IQSEC3: variants seen among roughly 807,000 people sequenced by gnomAD.
The protein encoded by IQSEC3 is IQ motif and Sec7 domain ArfGEF 3, also known as IQ motif and SEC7 domain-containing protein 3.
IQSEC3 carries 50 observed loss-of-function variants against 105.4 expected under a neutral mutation model. That is an observed-to-expected ratio of 0.47 (90% CI 0.38 to 0.60). IQSEC3 has a LOEUF of 0.60. Among genes scored for constraint, IQSEC3 ranks in the 20% least tolerant of loss-of-function variants. The probability of loss-of-function intolerance (pLI) is 0.00; values close to 1 mark genes in which losing one functional copy is unlikely to be tolerated. For missense variants in IQSEC3, 1,415 were observed against 1,630.0 expected (o/e 0.87, Z 2.27); for synonymous variants, 708 against 746.0 (o/e 0.95, Z 0.83).
rs758492192 is a variant in IQSEC3, at chr12:174,672, C to T, written c.3188C>T (p.Pro1063Leu). The T allele has an allele frequency of 3.2e-5, 51 of 1,590,004 alleles. No individual in the cohort carries two copies. The East Asian group carries it at 8.1e-4, about 25-fold the overall frequency. ...GGGGCCGAGAGGGGAGCGCCGGTGC[C>T]GCCGCCAGACCTGCAGCCTAGCCCC... ...GLGAERGAPV[P>L]PPDLQPSPPR... is the part of the protein sequence containing the mutation. Residue 1063 changes from proline (P) to leucine (L), a missense_variant, in exon 14 of 14, where the codon CCG becomes CTG. By Grantham distance (98) the Pro-to-Leu change is moderately conservative. Coordinates refer to ENST00000538872, the MANE Select transcript of IQSEC3 (RefSeq NM_001170738.2).
chr12:97,018 C>T (rs1555074872), intron 1 of IQSEC3, among the ~76,000 whole-genome samples: 1 of 152,230 alleles, frequency 6.6e-6, no homozygotes, highest in Non-Finnish European at 1.5e-5. Flanking sequence ...TGAGAAATGG[C>T]ATCTCAGCGT....
intron 5 of IQSEC3, among the ~76,000 whole-genome samples, chr12:145,301 ATC>A (rs1202843879): frequency 2.0e-5 from 3 of 152,140 alleles, no homozygotes; most frequent in African/African-American, 7.2e-5. Flanking sequence ...TAGAGACAGG[ATC>A]TCTCTTTGTC....
intron 7 of IQSEC3, among the ~76,000 whole-genome samples, chr12:159,785 G>T (rs916577566): frequency 6.6e-6 from 1 of 152,202 alleles, no homozygotes; most frequent in African/African-American, 2.4e-5. Flanking sequence ...GTCATGGGAA[G>T]TTTTCTTAAA....
At chr12:163,669 G>T (rs1555097239) in intron 9 of IQSEC3, 50 bp downstream of exon 9, 2 of 1,043,432 alleles carry the variant, frequency 1.9e-6, no homozygotes, top group Non-Finnish European at 3.0e-6. Context: ...TGCCTCTGCC[G>T]CCCTGGTCAG....
chr12:100,202 G>C, intron 2 of IQSEC3, among the ~76,000 whole-genome samples: 1 of 152,060 alleles, frequency 6.6e-6, no homozygotes, highest in East Asian at 1.9e-4. Flanking sequence ...TCATCCCGTC[G>C]AGTCTCTGAG....
At position 139,102 on chromosome 12, in the gene IQSEC3, C is replaced by T. The variant is rs781971250; in HGVS notation, c.1739C>T (p.Thr580Met). 11 of 1,501,638 alleles carry T rather than the reference C, an allele frequency of 7.3e-6. No individual in the cohort carries two copies. The highest frequency in any genetic ancestry group is 1.4e-5 in the African/African-American group (1 of 71,834). The allele number at this position is 1,501,638 out of a possible 1,614,324, so 93.0% of individuals were successfully genotyped here. A position where few individuals can be genotyped will look rare whatever the true frequency, so the allele number is the denominator to read the frequency against. Residue 580 changes from threonine (T) to methionine (M), a missense_variant, in exon 4 of 14, where the codon ACG (threonine) becomes ATG (methionine). Thr to Met is a moderately conservative substitution (Grantham distance 81, BLOSUM62 -1). This residue lies in a region of IQSEC3 where 720 missense variants were observed against 633.0 expected (regional missense o/e 1.14). Transcript: ENST00000538872. ...KTEEEEEEEE[T>M]AEVGRGAEAE... is the part of the protein sequence containing the mutation. ...GAGGAGGAAGAGGAGGAGGAGGAGA[C>T]GGCGGAGGTGGGGAGAGGGGCCGAG...
chr12:143,045 G>T (rs979240504), intron 5 of IQSEC3, among the ~76,000 whole-genome samples: 1 of 152,212 alleles, frequency 6.6e-6, no homozygotes, highest in Non-Finnish European at 1.5e-5. Flanking sequence ...AACCTGCAAG[G>T]CCCACATTGA....
At chr12:139,576 G>A in intron 4 of IQSEC3, 5 of 437,952 alleles carry the variant, frequency 1.1e-5, no homozygotes, top group African/African-American at 4.0e-5. Flanking sequence ...AAAGATTAAA[G>A]GAAAAAAATA....
intron 5 of IQSEC3, among the ~76,000 whole-genome samples, chr12:149,405 T>C (rs1555091971): frequency 2.0e-5 from 3 of 152,194 alleles, no homozygotes; most frequent in Non-Finnish European, 4.4e-5. Context: ...ATCACAGGTC[T>C]CGGTGTCAGC....
Position 122,019 on chromosome 12 carries a change from G to A in IQSEC3, c.624-3614G>A, listed in dbSNP as rs895194387. 6.6e-5 allele frequency among the ~76,000 whole-genome samples: 10 copies of A among 152,288 alleles called. 1 individual carries two copies. Among genetic ancestry groups the A allele is most frequent in the African/African-American group, 1.7e-4 (7 of 41,574 alleles). ...ACGATGTTATCTTCAACATTGCCAC[G>A]TTGAGAACAGTCCAGGGGTTTTGTG... On this transcript the variant is annotated intron_variant, in intron 2 of 13. Transcript: ENST00000538872.
intron 1 of IQSEC3, among the ~76,000 whole-genome samples, chr12:71,588 GA>G (rs1565373781): frequency 1.3e-5 from 2 of 152,266 alleles, no homozygotes; most frequent in African/African-American, 2.4e-5. Context: ...GCTGGAAAGG[GA>G]ACAGAAAGCA....
chr12:174,285 G>A (rs1939153252), intron 13 of IQSEC3, among the ~76,000 whole-genome samples: 1 of 152,148 alleles, frequency 6.6e-6, no homozygotes, highest in Non-Finnish European at 1.5e-5. Flanking sequence ...AAAAGGAAGT[G>A]AGGACACCCA....
At chr12:103,862 C>CGG (rs545289581) in intron 2 of IQSEC3, among the ~76,000 whole-genome samples, 4,691 of 5,608 alleles carry the variant, frequency 0.84, 1,928 homozygotes, top group Admixed American at 0.86. Context: ...TGAGGGGAGG[C>CGG]GGCTCGGGAG....
intron 7 of IQSEC3, among the ~76,000 whole-genome samples, 188 bp downstream of exon 7, chr12:157,882 GCCAC>G (rs1180924398): frequency 9.8e-5 from 15 of 152,368 alleles, no homozygotes; most frequent in African/African-American, 3.6e-4. Flanking sequence ...CATGCAGCCT[GCCAC>G]CGCCACCGCT....
At chr12:131,130 C>CTG (rs1555084976) in intron 3 of IQSEC3, among the ~76,000 whole-genome samples, 2 of 151,226 alleles carry the variant, frequency 1.3e-5, no homozygotes, top group Non-Finnish European at 2.9e-5. Context: ...TCAGGCTCAG[C>CTG]TGCCACAGCA....
Position 138,688 on chromosome 12 carries a change from C to G in IQSEC3, c.1325C>G (p.Ala442Gly), listed in dbSNP as rs1489204893. The G allele has an allele frequency of 6.5e-7, 1 of 1,537,230 alleles. No individual in the cohort carries two copies. Among genetic ancestry groups the G allele is most frequent in the Non-Finnish European group, 8.7e-7 (1 of 1,146,956 alleles). Reference protein sequence around the residue: ...GAYQLHQALQAAAGPPGLEAE... With the variant: ...GAYQLHQALQGAAGPPGLEAE... ...TACCAGCTCCACCAGGCCCTGCAGG[C>G]GGCCGCGGGGCCCCCAGGCCTGGAG... is the stretch of plus-strand genomic sequence containing the variant. Residue 442 changes from alanine to glycine, a missense_variant, in exon 4 of 14, where the codon GCG becomes GGG. Ala to Gly is a moderately conservative substitution (Grantham distance 60, BLOSUM62 0). Transcript: ENST00000538872. This position sits in a 1 kb window ranked among gnomAD's most constrained non-coding sequence, Gnocchi z 7.1.
chr12:129,094 G>A (rs1206386650), intron 3 of IQSEC3, among the ~76,000 whole-genome samples: 8 of 152,208 alleles, frequency 5.3e-5, no homozygotes, highest in Admixed American at 3.9e-4. Context: ...GGTCGCAGCC[G>A]AGGCACGTGC....
At chr12:71,365 G>A (rs1241759633) in intron 1 of IQSEC3, among the ~76,000 whole-genome samples, 1 of 152,266 alleles carries the variant, frequency 6.6e-6, no homozygotes, top group Non-Finnish European at 1.5e-5. Flanking sequence ...TGGAAAGATT[G>A]GAAAGAAGCA....
intron 1 of IQSEC3, among the ~76,000 whole-genome samples, chr12:97,231 G>C (rs1392817716): frequency 6.6e-6 from 1 of 152,150 alleles, no homozygotes; most frequent in Non-Finnish European, 1.5e-5. Flanking sequence ...GAATGTGCTG[G>C]AGCTCAGTGC....
Sources: gnomAD v4.1 joint callset for allele counts (sites outside exome capture counted in the v4.1 genomes callset) on GRCh38, gnomAD v4.1.1 for gene constraint, gnomAD v4.1.1 regional missense constraint, Gnocchi (gnomAD v3.1) non-coding constraint, MANE v1.5 for transcripts, NCBI Gene and HGNC (gene_info 2026-07-23, HGNC 2026-07-21) for gene names.